Variants in ZBTB7C observed in about 807,000 individuals in gnomAD.
ZBTB7C encodes the protein zinc finger and BTB domain containing 7C.
ZBTB7C carries 8 observed loss-of-function variants against 25.7 expected under a neutral mutation model. That is an observed-to-expected ratio of 0.31 (90% CI 0.18 to 0.56). The LOEUF (loss-of-function observed/expected upper bound fraction) is 0.56. ZBTB7C is among the 20% of genes least tolerant of loss of function. The probability of loss-of-function intolerance (pLI) is 0.91; values close to 1 mark genes in which losing one functional copy is unlikely to be tolerated. For synonymous variants in ZBTB7C, 394 were observed against 369.0 expected, an observed-to-expected ratio of 1.07 and a Z score of -0.78; for missense variants, 824 against 855.2, an observed-to-expected ratio of 0.96 and a Z score of 0.46.
At chr18:48,346,933 C>T (rs1465528130) in intron 1 of ZBTB7C, among the ~76,000 whole-genome samples, 2 of 151,656 alleles carry the variant, frequency 1.3e-5, no homozygotes, top group African/African-American at 4.8e-5. Flanking sequence ...TACAGGCACG[C>T]GCCACCACAC....
chr18:48,200,379 A>C (rs2042412620), intron 2 of ZBTB7C, among the ~76,000 whole-genome samples: 1 of 152,036 alleles, frequency 6.6e-6, no homozygotes, highest in Non-Finnish European at 1.5e-5. Flanking sequence ...AGTACAGGCC[A>C]GACCAGGGAA....
intron 2 of ZBTB7C, among the ~76,000 whole-genome samples, chr18:48,210,998 T>G (rs892596495): frequency 6.6e-6 from 1 of 152,002 alleles, no homozygotes; most frequent in Non-Finnish European, 1.5e-5. Context: ...AATAGACAAA[T>G]AGATCAATGG....
intron 2 of ZBTB7C, among the ~76,000 whole-genome samples, chr18:48,239,142 T>C (rs1338254562): frequency 6.6e-6 from 1 of 151,956 alleles, no homozygotes; most frequent in Non-Finnish European, 1.5e-5. Context: ...CCAACCCTCA[T>C]CCCCCACAGT....
intron 1 of ZBTB7C, among the ~76,000 whole-genome samples, chr18:48,355,938 T>C (rs148750120): frequency 6.0e-4 from 92 of 152,244 alleles, no homozygotes; most frequent in African/African-American, 2.1e-3. Flanking sequence ...GAAGTTCACG[T>C]TGGCTTTCTA....
chr18:48,240,247 G>A (rs1410449259), intron 2 of ZBTB7C, among the ~76,000 whole-genome samples: 16 of 152,082 alleles, frequency 1.1e-4, no homozygotes, highest in Admixed American at 8.5e-4. Flanking sequence ...TGGTGTTCCT[G>A]AGGAAGAAGA....
At chr18:48,338,888 G>T (rs1007241233) in intron 1 of ZBTB7C, among the ~76,000 whole-genome samples, 2 of 148,716 alleles carry the variant, frequency 1.3e-5, no homozygotes, top group African/African-American at 4.9e-5. Context: ...CCCAAGCAAG[G>T]CTTCTGGTGT....
intron 3 of ZBTB7C, among the ~76,000 whole-genome samples, chr18:48,125,373 C>T (rs1361059582): frequency 1.3e-5 from 2 of 152,142 alleles, no homozygotes; most frequent in African/African-American, 2.4e-5. Context: ...AGAAGGTGGC[C>T]CCAGCCCTGA....
intron 1 of ZBTB7C, among the ~76,000 whole-genome samples, chr18:48,392,742 C>T (rs1163473328): frequency 1.3e-5 from 2 of 152,102 alleles, no homozygotes; most frequent in South Asian, 2.1e-4. Context: ...GCTCTGGAGC[C>T]GAGGGAGGGA....
intron 1 of ZBTB7C, among the ~76,000 whole-genome samples, chr18:48,394,375 T>C (rs1318838101): frequency 3.3e-5 from 5 of 152,216 alleles, no homozygotes. Flanking sequence ...AAGAGCTCTT[T>C]GCCTCATTCA....
At chr18:48,111,069 C>T (rs762942999) in intron 3 of ZBTB7C, among the ~76,000 whole-genome samples, 3 of 152,230 alleles carry the variant, frequency 2.0e-5, no homozygotes, top group East Asian at 3.9e-4. Context: ...AGCTGCTGGG[C>T]GCATTCTGGC....
chr18:48,347,504 A>G (rs1000157750), intron 1 of ZBTB7C, among the ~76,000 whole-genome samples: 2 of 151,980 alleles, frequency 1.3e-5, no homozygotes, highest in African/African-American at 4.8e-5. Flanking sequence ...GCAGAGCAAC[A>G]CGTGTGCACC....
intron 3 of ZBTB7C, among the ~76,000 whole-genome samples, chr18:48,154,234 G>A (rs1415327220): frequency 3.3e-5 from 5 of 152,156 alleles, no homozygotes; most frequent in Non-Finnish European, 7.4e-5. Flanking sequence ...GGTCAATCAA[G>A]GATCTGAATG....
intron 2 of ZBTB7C, among the ~76,000 whole-genome samples, chr18:48,193,876 G>C (rs1472847839): frequency 6.6e-6 from 1 of 152,234 alleles, no homozygotes; most frequent in African/African-American, 2.4e-5. Flanking sequence ...TGGAGGGTCA[G>C]CTGGGGTCTA....
intron 2 of ZBTB7C, chr18:48,252,181 A>T (rs1214029264): frequency 6.6e-6 from 1 of 152,220 alleles, no homozygotes; most frequent in Non-Finnish European, 1.5e-5. Context: ...AAGAACTGGG[A>T]GACTGCGTTA....
chr18:48,145,558 T>C (rs1390086792), intron 3 of ZBTB7C, among the ~76,000 whole-genome samples: 2 of 152,224 alleles, frequency 1.3e-5, no homozygotes, highest in Non-Finnish European at 2.9e-5. Context: ...GCTGTCTTAT[T>C]GAGCAGGTAA....
chr18:48,249,164 T>C (rs908927655), intron 2 of ZBTB7C, among the ~76,000 whole-genome samples: 1 of 152,254 alleles, frequency 6.6e-6, no homozygotes, highest in Non-Finnish European at 1.5e-5. Context: ...TCCAGAGTGA[T>C]GGCACTGTAT....
rs1200902386 is a variant in ZBTB7C at position 48,072,482 on chromosome 18, C to T, written c.-16-31359G>A. ...CACCTTTCCCAGGTCGATCTGCAGC[C>T]TCCTTCCCATGTCCCACTCCTGAAG... On this transcript the variant is annotated intron_variant, in intron 3 of 4. Coordinates refer to ENST00000590800, the MANE Select transcript of ZBTB7C (RefSeq NM_001318841.2). 2.0e-5 allele frequency: 3 copies of T among 152,228 alleles called. No homozygotes were observed. The South Asian group carries it at 6.2e-4, about 32-fold the overall frequency. 9.4% of individuals were successfully genotyped at this position (152,228 alleles called of 1,614,324 possible). A position where few individuals can be genotyped will look rare whatever the true frequency, so the allele number is the denominator to read the frequency against.
At chr18:48,079,010 T>A (rs2037879400) in intron 3 of ZBTB7C, among the ~76,000 whole-genome samples, 1 of 152,258 alleles carries the variant, frequency 6.6e-6, no homozygotes, top group Admixed American at 6.5e-5. Flanking sequence ...CTGCTGTGAA[T>A]GTTGATGTAC....
intron 1 of ZBTB7C, among the ~76,000 whole-genome samples, chr18:48,351,825 C>T (rs1186807499): frequency 1.3e-5 from 2 of 152,214 alleles, no homozygotes; most frequent in Non-Finnish European, 2.9e-5. Flanking sequence ...CTGTTGGCCC[C>T]TCCTTGGCAG....
Sources: allele counts gnomAD v4.1 joint callset (sites outside exome capture counted in the v4.1 genomes callset), GRCh38; gene constraint gnomAD v4.1.1; transcripts MANE v1.5; gene names NCBI Gene and HGNC (gene_info 2026-07-23, HGNC 2026-07-21).